The following PALLD variants were observed in gnomAD, a reference collection of about 807,000 sequenced individuals.
PALLD encodes palladin.
A neutral mutation model predicts 123.5 loss-of-function variants in PALLD; 61 were observed. The observed-to-expected ratio is 0.49, with a 90% CI of 0.40 to 0.61. The LOEUF is 0.61. PALLD is among the 20% of genes least tolerant of loss of function. PALLD has a pLI of 0.00. For missense variants in PALLD, 1,273 were observed against 1,377.0 expected (o/e 0.92, Z 1.20); for synonymous variants, 465 against 496.4 (o/e 0.94, Z 0.84).
Position 168,512,372 on chromosome 4 carries a change from C to T in PALLD, c.868C>T (p.Leu290=). The change falls in exon 2 of 22, where the codon CTG becomes TTG. Residue 290 remains leucine, a synonymous_variant. Coordinates refer to ENST00000505667, the MANE Select transcript of PALLD (RefSeq NM_001166108.2). The part of the protein sequence containing the change: ...QEVAEGSRVY[L]ECRVTGNPTP... ...AGTAGCAGAAGGGAGCCGAGTTTATCTGGAGTGTAGAGTCACTGGAAACCC... is the reference window on the plus strand; with the variant it reads ...AGTAGCAGAAGGGAGCCGAGTTTATTTGGAGTGTAGAGTCACTGGAAACCC... 1 of 1,613,882 alleles carries T rather than the reference C, an allele frequency of 6.2e-7. No homozygotes were observed. The highest frequency in any genetic ancestry group is 8.5e-7 in the Non-Finnish European group (1 of 1,180,028).
chr4:168,520,832 C>T (rs1763492038), intron 2 of PALLD, among the ~76,000 whole-genome samples: 1 of 152,166 alleles, frequency 6.6e-6, no homozygotes, highest in Admixed American at 6.5e-5. Flanking sequence ...CTCACTGATA[C>T]CTTAGTGAAC....
At chr4:168,512,847 A>G (rs1762650865) in intron 2 of PALLD, among the ~76,000 whole-genome samples, 1 of 152,118 alleles carries the variant, frequency 6.6e-6, no homozygotes, top group Admixed American at 6.5e-5. Context: ...GTAGAGGCCA[A>G]CCTTCAGATT....
chr4:168,645,426 G>A (rs1777351106), intron 2 of PALLD, among the ~76,000 whole-genome samples: 1 of 152,190 alleles, frequency 6.6e-6, no homozygotes, highest in South Asian at 2.1e-4. Context: ...ACAGCGTCGT[G>A]CCATCCACAG....
intron 10 of PALLD, among the ~76,000 whole-genome samples, chr4:168,833,976 G>A (rs1007968947): frequency 6.7e-6 from 1 of 148,370 alleles, no homozygotes; most frequent in African/African-American, 2.5e-5. Context: ...ATAGACAAGA[G>A]CTAGATAATA....
At chr4:168,816,602 A>G (rs532424263) in intron 10 of PALLD, among the ~76,000 whole-genome samples, 163 of 151,962 alleles carry the variant, frequency 1.1e-3, no homozygotes, top group Non-Finnish European at 9.6e-4. Flanking sequence ...GGTTGTTTTT[A>G]ATACATACCC....
chr4:168,605,440 C>A (rs1773069104), intron 2 of PALLD, among the ~76,000 whole-genome samples: 2 of 152,088 alleles, frequency 1.3e-5, no homozygotes, highest in African/African-American at 4.8e-5. Flanking sequence ...ATCCAAAAAT[C>A]TCAAAGAATT....
At chr4:168,779,152 A>G (rs539899307) in intron 10 of PALLD, among the ~76,000 whole-genome samples, 1 of 152,312 alleles carries the variant, frequency 6.6e-6, no homozygotes, top group African/African-American at 2.4e-5. Flanking sequence ...CCCACTGGTT[A>G]TTGATTCTAT....
At chr4:168,625,277 A>G (rs1775124684) in intron 2 of PALLD, among the ~76,000 whole-genome samples, 1 of 152,078 alleles carries the variant, frequency 6.6e-6, no homozygotes. Flanking sequence ...CAGGAATTTA[A>G]TAGATGATGA....
At chr4:168,629,887 CA>C (rs1014053595) in intron 2 of PALLD, among the ~76,000 whole-genome samples, 23 of 152,190 alleles carry the variant, frequency 1.5e-4, no homozygotes, top group Admixed American at 1.4e-3. Context: ...GTTTCATCCC[CA>C]CAAGCAAGCA....
intron 2 of PALLD, among the ~76,000 whole-genome samples, chr4:168,653,207 C>T (rs1580777698): frequency 6.6e-6 from 1 of 151,836 alleles, no homozygotes. Context: ...TTTTTAATTC[C>T]TTCAACATAG....
intron 10 of PALLD, among the ~76,000 whole-genome samples, chr4:168,750,205 C>CG (rs1258605770): frequency 2.0e-5 from 3 of 152,148 alleles, no homozygotes; most frequent in African/African-American, 7.2e-5. Flanking sequence ...CCTCACCCTC[C>CG]CAAAGTGCTG....
At chr4:168,502,808 G>A (rs981228989) in intron 1 of PALLD, among the ~76,000 whole-genome samples, 4 of 152,188 alleles carry the variant, frequency 2.6e-5, no homozygotes. Context: ...GGAGGATGAG[G>A]CAGGAGGATC....
rs768538351 is a variant in PALLD, at chr4:168,690,694, G to T, written c.1427G>T (p.Arg476Leu). The part of the protein sequence containing the change: ...GAPPLQVQWF[R>L]QGSEIQDSPD... Reference sequence around the variant, plus strand: ...CCCCCTCTGCAGGTCCAGTGGTTTCGGCAAGGGAGTGAAATCCAAGACTCT... The same window carrying T: ...CCCCCTCTGCAGGTCCAGTGGTTTCTGCAAGGGAGTGAAATCCAAGACTCT... The change falls in exon 7 of 22, where the codon CGG (arginine) becomes CTG (leucine). Residue 476 changes from arginine (R) to leucine (L), a missense_variant. Transcript: ENST00000505667. 1 of 1,614,124 alleles carries T rather than the reference G, an allele frequency of 6.2e-7. No individual in the cohort carries two copies. The highest frequency in any genetic ancestry group is 8.5e-7 in the Non-Finnish European group (1 of 1,180,014).
Position 168,711,586 on chromosome 4 carries a change from A to G in PALLD, c.1627A>G (p.Thr543Ala). 1.2e-6 allele frequency: 2 copies of G among 1,612,404 alleles called. No homozygotes were observed. The highest frequency in any genetic ancestry group is 2.2e-5 in the East Asian group (1 of 44,874). Residue 543 changes from threonine (T) to alanine (A), a missense_variant, in exon 10 of 22, where the codon ACT becomes GCT. Physicochemically the swap from Thr to Ala is moderately conservative, Grantham distance 58. Transcript: ENST00000505667. Reference sequence around the variant, plus strand: ...CTCTCTTTCCCCTTCCTTAGCCAACACTGAAAACTGTAGTTACGAGTCAAT... The same window carrying G: ...CTCTCTTTCCCCTTCCTTAGCCAACGCTGAAAACTGTAGTTACGAGTCAAT... ...TAQLVVTSAN[T>A]ENCSYESMGE...
chr4:168,707,264 A>T (rs1784317007), intron 8 of PALLD, among the ~76,000 whole-genome samples: 1 of 152,172 alleles, frequency 6.6e-6, no homozygotes, highest in Non-Finnish European at 1.5e-5. Flanking sequence ...GAGCACCCCA[A>T]AATTTAGTTG....
intron 10 of PALLD, among the ~76,000 whole-genome samples, chr4:168,727,077 T>C (rs1786663972): frequency 6.6e-6 from 1 of 152,254 alleles, no homozygotes; most frequent in African/African-American, 2.4e-5. Flanking sequence ...TATGGCTGCA[T>C]AGTATTACAT....
rs762238611 is a variant in PALLD at position 168,921,720 on chromosome 4, A to G, written c.3037A>G (p.Ser1013Gly). The G allele has an allele frequency of 6.2e-7, 1 of 1,611,570 alleles. No individual in the cohort carries two copies. Among genetic ancestry groups the G allele is most frequent in the Non-Finnish European group, 8.5e-7 (1 of 1,179,748 alleles). ...ATNRAGQNSF[S>G]LELVVAAKEA... ...CAACCGAGCAGGACAGAACTCATTCAGCCTGGAGCTTGTGGTTGCTGGTAG... is the reference window on the plus strand; with the variant it reads ...CAACCGAGCAGGACAGAACTCATTCGGCCTGGAGCTTGTGGTTGCTGGTAG... Residue 1013 changes from serine to glycine, a missense_variant, in exon 18 of 22, where the codon AGC (serine) becomes GGC (glycine). Ser to Gly is a moderately conservative substitution (Grantham distance 56, BLOSUM62 0). Transcript: ENST00000505667.
chr4:168,670,772 A>C (rs1561375441), intron 3 of PALLD, among the ~76,000 whole-genome samples: 2 of 58,512 alleles, frequency 3.4e-5, no homozygotes, highest in East Asian at 3.0e-4. Flanking sequence ...AAACAAAAAA[A>C]AACAAAAAAA....
intron 2 of PALLD, among the ~76,000 whole-genome samples, chr4:168,565,989 T>A (rs1768337234): frequency 6.6e-6 from 1 of 152,250 alleles, no homozygotes; most frequent in Admixed American, 6.5e-5. Flanking sequence ...TAAAATACTC[T>A]TAGAACTTTT....
Sources: allele counts gnomAD v4.1 joint callset (sites outside exome capture counted in the v4.1 genomes callset), GRCh38; gene constraint gnomAD v4.1.1; transcripts MANE v1.5; gene names NCBI Gene and HGNC (gene_info 2026-07-23, HGNC 2026-07-21).